RABGAP1L: variants seen among roughly 807,000 people sequenced by gnomAD.
The protein encoded by RABGAP1L is RAB GTPase activating protein 1 like, also known as rab GTPase-activating protein 1-like.
RABGAP1L carries 63 observed loss-of-function variants against 137.7 expected under a neutral mutation model. The ratio of observed to expected loss-of-function variants is 0.46; its 90% CI spans 0.37 to 0.56. RABGAP1L has a LOEUF of 0.56. RABGAP1L is among the 20% of genes least tolerant of loss of function. The pLI is 0.00. For synonymous variants in RABGAP1L, 431 were observed against 433.7 expected (o/e 0.99, Z 0.08); for missense variants, 1,095 against 1,244.0 (o/e 0.88, Z 1.80).
chr1:174,599,155 T>C (rs1670226468), intron 13 of RABGAP1L, among the ~76,000 whole-genome samples: 1 of 152,208 alleles, frequency 6.6e-6, no homozygotes, highest in African/African-American at 2.4e-5. Flanking sequence ...TTGTAACCAA[T>C]CATTTAAAAC....
intron 1 of RABGAP1L, among the ~76,000 whole-genome samples, chr1:174,190,992 A>G (rs1667172057): frequency 6.6e-6 from 1 of 152,230 alleles, no homozygotes. Flanking sequence ...CAGAACACAC[A>G]GAGACTTTAA....
chr1:174,734,355 C>A lies in RABGAP1L; in HGVS notation c.2170-17958C>A, dbSNP rs1157120787. ...ACTCGGGAGATGGTAGTATTCAGAG[C>A]AAAAGGTAGTTCAGTAAAGCTTTCA... On this transcript the variant is annotated intron_variant, in intron 17 of 25. Coordinates refer to ENST00000681986, the MANE Select transcript of RABGAP1L (RefSeq NM_001366446.1). Among the ~76,000 whole-genome samples, 3 of 151,880 alleles carry A rather than the reference C, an allele frequency of 2.0e-5. No homozygotes were observed. The East Asian group carries it at 5.8e-4, about 29-fold the overall frequency.
At chr1:174,774,435 A>C (rs1686362471) in intron 18 of RABGAP1L, among the ~76,000 whole-genome samples, 1 of 152,160 alleles carries the variant, frequency 6.6e-6, no homozygotes, top group African/African-American at 2.4e-5. Flanking sequence ...TACAAAAAAT[A>C]AAAATAAAAA....
At chr1:174,855,846 C>T (rs969475519) in intron 19 of RABGAP1L, among the ~76,000 whole-genome samples, 1 of 152,164 alleles carries the variant, frequency 6.6e-6, no homozygotes, top group African/African-American at 2.4e-5. Context: ...AGACTATTTA[C>T]AGAAATATGA....
intron 13 of RABGAP1L, among the ~76,000 whole-genome samples, chr1:174,417,996 A>G (rs1435429125): frequency 6.6e-6 from 1 of 152,218 alleles, no homozygotes; most frequent in Non-Finnish European, 1.5e-5. Context: ...TTGCTTATCA[A>G]AGTTTCCATT....
intron 19 of RABGAP1L, among the ~76,000 whole-genome samples, chr1:174,859,482 C>CAAAAAAAAAAAAAAAAAAAAAAAAAA (rs35464065): frequency 4.5e-5 from 6 of 133,712 alleles, no homozygotes; most frequent in East Asian, 6.2e-4. Flanking sequence ...GACTCCATCT[C>CAAAAAAAAAAAAAAAAAAAAAAAAAA]AAAAAAAAAG....
chr1:174,671,004 C>T (rs567151800), intron 14 of RABGAP1L, among the ~76,000 whole-genome samples: 2 of 152,232 alleles, frequency 1.3e-5, no homozygotes, highest in Admixed American at 1.3e-4. Context: ...TTTACGTTCC[C>T]ACCAACAGTG....
intron 11 of RABGAP1L, among the ~76,000 whole-genome samples, chr1:174,305,733 C>T (rs899247702): frequency 3.9e-4 from 59 of 150,888 alleles, no homozygotes. Flanking sequence ...CCTTTTTTTT[C>T]TATTTTATTT....
At chr1:174,644,476 T>G (rs1162370891) in intron 14 of RABGAP1L, among the ~76,000 whole-genome samples, 5 of 151,876 alleles carry the variant, frequency 3.3e-5, no homozygotes, top group Non-Finnish European at 7.4e-5. Context: ...TTATAGTCAC[T>G]CTTTTTAAAA....
Position 174,637,429 on chromosome 1 carries a change from C to A in RABGAP1L, c.1765C>A (p.His589Asn), listed in dbSNP as rs1324136922. The change falls in exon 14 of 26, where the codon CAT becomes AAT. Residue 589 changes from histidine to asparagine, a missense_variant. Transcript: ENST00000681986. ...TRDIHRTFPA[H>N]DYFKDTGGDG... ...AGATATTCATCGTACATTTCCCGCA[C>A]ATGATTACTTTAAAGATACTGGAGG... The A allele has an allele frequency of 6.2e-7, 1 of 1,613,478 alleles. No homozygotes were observed. Among genetic ancestry groups the A allele is most frequent in the East Asian group, 2.2e-5 (1 of 44,858 alleles).
intron 11 of RABGAP1L, among the ~76,000 whole-genome samples, chr1:174,321,497 T>A (rs1195965313): frequency 1.3e-5 from 2 of 152,150 alleles, no homozygotes; most frequent in African/African-American, 4.8e-5. Context: ...AGCTTTTAAA[T>A]ATCTCTCTTT....
chr1:174,477,129 G>T (rs1192343162), intron 13 of RABGAP1L, among the ~76,000 whole-genome samples: 8 of 152,098 alleles, frequency 5.3e-5, no homozygotes, highest in African/African-American at 1.9e-4. Flanking sequence ...TCTCAGCCAG[G>T]TTATTATAAT....
Position 174,640,936 on chromosome 1 carries a change from A to G in RABGAP1L, c.1824+3448A>G, listed in dbSNP as rs1323191722. On this transcript the variant is annotated intron_variant, in intron 14 of 25. Transcript: ENST00000681986. Reference sequence around the variant, plus strand: ...CTTTTTTTTTAAAATAGTGTTTTCTATATTAAATATAATATAATATATTAT... The same window carrying G: ...CTTTTTTTTTAAAATAGTGTTTTCTGTATTAAATATAATATAATATATTAT... 4.8e-5 allele frequency among the ~76,000 whole-genome samples: 7 copies of G among 147,174 alleles called. No individual in the cohort carries two copies. In the Admixed American group the frequency reaches 4.8e-4, roughly 10 times the overall value.
At chr1:174,222,723 A>G (rs1186440590) in intron 3 of RABGAP1L, among the ~76,000 whole-genome samples, 1 of 152,232 alleles carries the variant, frequency 6.6e-6, no homozygotes, top group Non-Finnish European at 1.5e-5. Flanking sequence ...ACGTTGTACT[A>G]AAGAATCCAG....
intron 19 of RABGAP1L, among the ~76,000 whole-genome samples, chr1:174,924,377 C>T (rs946413717): frequency 1.6e-4 from 15 of 92,532 alleles, no homozygotes; most frequent in Admixed American, 7.1e-4. Flanking sequence ...CAGAGCAAGA[C>T]TCTGTCTCAA....
intron 23 of RABGAP1L, among the ~76,000 whole-genome samples, chr1:174,982,173 A>G (rs762530227): frequency 5.9e-5 from 9 of 152,026 alleles, no homozygotes; most frequent in Non-Finnish European, 1.0e-4. Flanking sequence ...TGGGGTACAC[A>G]TGCAGAACAT....
chr1:174,453,591 C>T (rs1000270863), intron 13 of RABGAP1L, among the ~76,000 whole-genome samples: 12 of 152,118 alleles, frequency 7.9e-5, no homozygotes, highest in African/African-American at 2.9e-4. Context: ...ATGTGTTACT[C>T]AGTCAGTGCT....
intron 11 of RABGAP1L, among the ~76,000 whole-genome samples, chr1:174,325,107 G>A (rs1680322616): frequency 6.6e-6 from 1 of 152,188 alleles, no homozygotes; most frequent in Non-Finnish European, 1.5e-5. Context: ...GGTTAGAAAG[G>A]AAGAACTAAA....
At chr1:174,779,692 A>T in intron 18 of RABGAP1L, among the ~76,000 whole-genome samples, 1 of 152,296 alleles carries the variant, frequency 6.6e-6, no homozygotes, top group Non-Finnish European at 1.5e-5. Context: ...AATCATACTA[A>T]CCCTTACTTC....
Sources: gnomAD v4.1 joint callset for allele counts (sites outside exome capture counted in the v4.1 genomes callset) on GRCh38, gnomAD v4.1.1 for gene constraint, MANE v1.5 for transcripts, NCBI Gene and HGNC (gene_info 2026-07-23, HGNC 2026-07-21) for gene names.